ADAM12: variants seen among roughly 807,000 people sequenced by gnomAD.
ADAM12 encodes the protein ADAM metallopeptidase domain 12.
In ADAM12, 70 loss-of-function variants were observed where a neutral mutation model predicts 106.4. That is an observed-to-expected ratio of 0.66 (90% CI 0.54 to 0.80). The LOEUF (loss-of-function observed/expected upper bound fraction) is 0.80. Ranked by LOEUF, ADAM12 falls within the 30% of genes least tolerant of loss-of-function variation. The pLI is 0.00. For missense variants in ADAM12, 1,010 were observed against 1,171.9 expected, an observed-to-expected ratio of 0.86 and a Z score of 2.02; for synonymous variants, 420 against 433.5, an observed-to-expected ratio of 0.97 and a Z score of 0.39.
In ADAM12 at chr10:126,036,278, T is replaced by C; in HGVS notation, c.2397A>G (p.Arg799=). The part of the protein sequence containing the change: ...LLQCQNVDIS[R]PLNGLNVPQP... ...GAGGGACATTCAGGCCGTTGAGGGG[T>C]CTGCTGATGTCAACATTCTGACACT... is the stretch of plus-strand genomic sequence containing the variant. The change falls in exon 21 of 23, where the codon AGA becomes AGG. Residue 799 remains arginine, a synonymous_variant. Coordinates refer to ENST00000448723, the MANE Select transcript of ADAM12 (RefSeq NM_001288973.2). 1 of 1,560,260 alleles carries C rather than the reference T, an allele frequency of 6.4e-7. No homozygotes were observed. Among genetic ancestry groups the C allele is most frequent in the Non-Finnish European group, 8.6e-7 (1 of 1,160,076 alleles).
At chr10:126,266,808 G>A (rs931148928) in intron 3 of ADAM12, among the ~76,000 whole-genome samples, 10 of 152,070 alleles carry the variant, frequency 6.6e-5, no homozygotes, top group Non-Finnish European at 1.5e-4. Context: ...AAAGGTGGGA[G>A]GTTCCACACA....
chr10:126,376,273 A>C (rs2133928190), intron 1 of ADAM12, among the ~76,000 whole-genome samples: 1 of 152,322 alleles, frequency 6.6e-6, no homozygotes, highest in South Asian at 2.1e-4. Context: ...AAATTGAGCA[A>C]GATTTCTGAA....
At position 126,284,690 on chromosome 10, in the gene ADAM12, GT is replaced by G. The variant is rs562261879; in HGVS notation, c.187-5703del. ...GGCTCGAGCGATCACGGATGACTTG[GT>G]TTCCATTCTTGTTGCTGAGAAGTCA... On this transcript the variant is annotated intron_variant, in intron 2 of 22. Transcript: ENST00000448723. 2.2e-3 allele frequency among the ~76,000 whole-genome samples: 342 copies of G among 152,306 alleles called. 1 individual carries two copies. The highest frequency in any genetic ancestry group is 7.6e-3 in the African/African-American group (317 of 41,560).
intron 2 of ADAM12, among the ~76,000 whole-genome samples, chr10:126,293,792 T>G (rs907372100): frequency 2.0e-5 from 3 of 152,150 alleles, no homozygotes; most frequent in Admixed American, 2.0e-4. Flanking sequence ...TTTCTTCTTT[T>G]GCCCTTCCTT....
chr10:126,247,624 A>G (rs1565165279), intron 3 of ADAM12, among the ~76,000 whole-genome samples: 1 of 152,202 alleles, frequency 6.6e-6, no homozygotes, highest in African/African-American at 2.4e-5. Context: ...CAAAGAAAAG[A>G]GTGAATCATT....
intron 13 of ADAM12, among the ~76,000 whole-genome samples, chr10:126,065,966 T>C (rs565306635): frequency 6.6e-6 from 1 of 152,274 alleles, no homozygotes; most frequent in Admixed American, 6.5e-5. Flanking sequence ...TGAAGGCTAT[T>C]TTAAAGCCGA....
intron 3 of ADAM12, among the ~76,000 whole-genome samples, chr10:126,268,992 C>T (rs1959154685): frequency 6.6e-6 from 1 of 152,204 alleles, no homozygotes; most frequent in South Asian, 2.1e-4. Context: ...TCCATAGACA[C>T]AGCAGCCCCG....
At chr10:126,175,442 C>A (rs150892067) in intron 3 of ADAM12, among the ~76,000 whole-genome samples, 37 of 151,366 alleles carry the variant, frequency 2.4e-4, no homozygotes, top group Non-Finnish European at 4.3e-4. Context: ...CAAGACGAGA[C>A]TTCTACAGGT....
At chr10:126,242,198 T>A (rs950112134) in intron 3 of ADAM12, among the ~76,000 whole-genome samples, 2 of 152,220 alleles carry the variant, frequency 1.3e-5, no homozygotes, top group East Asian at 1.9e-4. Context: ...TGATTTTCAG[T>A]TGGCAGCAGA....
chr10:126,257,446 G>T (rs1052932557), intron 3 of ADAM12, among the ~76,000 whole-genome samples: 1 of 152,176 alleles, frequency 6.6e-6, no homozygotes, highest in African/African-American at 2.4e-5. Context: ...ATACAACTTA[G>T]AACAAAGAGG....
intron 1 of ADAM12, among the ~76,000 whole-genome samples, chr10:126,368,072 CATGTGTATGTGTGT>C (rs947182381): frequency 1.3e-5 from 2 of 151,512 alleles, no homozygotes; most frequent in African/African-American, 4.8e-5. Flanking sequence ...TATATGTGTG[CATGTGTATGTGTGT>C]ATATATATAA....
chr10:126,049,558 T>C lies in ADAM12; in HGVS notation c.1718+3A>G. 4 of 1,614,124 alleles carry C rather than the reference T, an allele frequency of 2.5e-6. No individual in the cohort carries two copies. The highest frequency in any genetic ancestry group is 1.6e-4 in the Middle Eastern group (1 of 6,062). ...ACTTTGCCAGGATGTCTGGATTCCA[T>C]ACCTCATCTCGCATTTGGCAAAGGA... On this transcript the variant is annotated splice_donor_region_variant and intron_variant, in intron 15 of 22. Coordinates refer to ENST00000448723, the MANE Select transcript of ADAM12 (RefSeq NM_001288973.2). This position sits in a 1 kb window ranked among gnomAD's most constrained non-coding sequence, Gnocchi z 4.4.
At chr10:126,360,806 T>C (rs1050843569) in intron 1 of ADAM12, among the ~76,000 whole-genome samples, 2 of 152,222 alleles carry the variant, frequency 1.3e-5, no homozygotes, top group African/African-American at 4.8e-5. Context: ...CCCACTCTAC[T>C]GGTACCAATT....
chr10:126,208,282 G>A (rs1215373225), intron 3 of ADAM12, among the ~76,000 whole-genome samples: 1 of 152,196 alleles, frequency 6.6e-6, no homozygotes, highest in African/African-American at 2.4e-5. Flanking sequence ...AATCAGGGGA[G>A]CAGACTGTGG....
intron 1 of ADAM12, among the ~76,000 whole-genome samples, chr10:126,351,458 C>T (rs191783356): frequency 2.4e-4 from 37 of 152,296 alleles, no homozygotes; most frequent in African/African-American, 8.9e-4. Flanking sequence ...CTCTGGCCCT[C>T]TGGTGCTGGA....
At chr10:126,081,503 T>A (rs1955215856) in intron 11 of ADAM12, among the ~76,000 whole-genome samples, 1 of 152,338 alleles carries the variant, frequency 6.6e-6, no homozygotes, top group Non-Finnish European at 1.5e-5. Flanking sequence ...ACTGGTTTCT[T>A]TTTGCAGACC....
intron 3 of ADAM12, among the ~76,000 whole-genome samples, chr10:126,190,102 C>G (rs544063045): frequency 6.6e-6 from 1 of 152,162 alleles, no homozygotes; most frequent in Non-Finnish European, 1.5e-5. Flanking sequence ...GCTTCCCCAC[C>G]TGTTGAGACA....
chr10:126,341,743 T>C (rs950081857), intron 1 of ADAM12, among the ~76,000 whole-genome samples: 1 of 152,206 alleles, frequency 6.6e-6, no homozygotes, highest in Non-Finnish European at 1.5e-5. Flanking sequence ...CCATGCCTGC[T>C]TCATTAGCTG....
At chr10:126,306,157 T>A (rs1164193245) in intron 2 of ADAM12, among the ~76,000 whole-genome samples, 1 of 151,996 alleles carries the variant, frequency 6.6e-6, no homozygotes, top group Non-Finnish European at 1.5e-5. Flanking sequence ...ATTAGTATTT[T>A]ATTTTTCCTG....
Sources: allele counts gnomAD v4.1 joint callset (sites outside exome capture counted in the v4.1 genomes callset), GRCh38; gene constraint gnomAD v4.1.1; non-coding constraint Gnocchi (gnomAD v3.1); transcripts MANE v1.5; gene names NCBI Gene and HGNC (gene_info 2026-07-23, HGNC 2026-07-21).